Variants in ITGA9 observed in about 807,000 individuals in gnomAD.
ITGA9 encodes integrin alpha-9.
A neutral mutation model predicts 127.8 loss-of-function variants in ITGA9; 56 were observed. The ratio of observed to expected loss-of-function variants is 0.44; its 90% CI spans 0.35 to 0.55. ITGA9 has a LOEUF of 0.55. ITGA9 is among the 20% of genes least tolerant of loss of function. The pLI, the probability that ITGA9 is intolerant of heterozygous loss-of-function variation, is 0.00. For synonymous variants in ITGA9, 508 were observed against 514.5 expected, an observed-to-expected ratio of 0.99 and a Z score of 0.17; for missense variants, 1,196 against 1,347.1, an observed-to-expected ratio of 0.89 and a Z score of 1.76.
intron 19 of ITGA9, among the ~76,000 whole-genome samples, chr3:37,735,509 A>G (rs1027209155): frequency 1.3e-5 from 2 of 152,234 alleles, no homozygotes; most frequent in Admixed American, 1.3e-4. Flanking sequence ...ATTCACCATA[A>G]TGGAACCCAA....
chr3:37,452,303 C>T lies in ITGA9; in HGVS notation c.-72C>T. The T allele has an allele frequency of 1.1e-6, 1 of 879,368 alleles. No homozygotes were observed. The highest frequency in any genetic ancestry group is 1.4e-6 in the Non-Finnish European group (1 of 730,282). 54.5% of individuals were successfully genotyped at this position (879,368 alleles called of 1,614,324 possible). ...CCGCCCCGGGGAGCTTCCTGGCCGTCGGCGGGCCCCGCGGCCCGCGCGCTC... is the reference window on the plus strand; with the variant it reads ...CCGCCCCGGGGAGCTTCCTGGCCGTTGGCGGGCCCCGCGGCCCGCGCGCTC... On this transcript the variant is annotated 5_prime_UTR_variant, in exon 1 of 28. Coordinates refer to ENST00000264741, the MANE Select transcript of ITGA9 (RefSeq NM_002207.3). The surrounding 1 kb of genome is among the most constrained non-coding windows in gnomAD (Gnocchi z 7.3).
intron 18 of ITGA9, among the ~76,000 whole-genome samples, chr3:37,722,963 A>C (rs749615986): frequency 6.6e-6 from 1 of 152,220 alleles, no homozygotes; most frequent in African/African-American, 2.4e-5. Context: ...GTTTGTCCAC[A>C]TCTAGTCCAG....
At chr3:37,580,081 T>C (rs1347413305) in intron 15 of ITGA9, among the ~76,000 whole-genome samples, 7 of 152,234 alleles carry the variant, frequency 4.6e-5, no homozygotes. Flanking sequence ...AAGTACTACC[T>C]GATTCCAGAT....
intron 17 of ITGA9, among the ~76,000 whole-genome samples, chr3:37,672,383 G>A (rs541060559): frequency 6.6e-6 from 1 of 152,228 alleles, no homozygotes; most frequent in South Asian, 2.1e-4. Flanking sequence ...GAGTTCCCCT[G>A]CACACACTCT....
chr3:37,762,556 G>C (rs984324348), intron 23 of ITGA9, among the ~76,000 whole-genome samples: 1 of 152,272 alleles, frequency 6.6e-6, no homozygotes, highest in East Asian at 1.9e-4. Flanking sequence ...AAAGGTGTCA[G>C]ACTCAATCTG....
intron 17 of ITGA9, among the ~76,000 whole-genome samples, chr3:37,672,342 G>A (rs1233220875): frequency 1.3e-5 from 2 of 152,136 alleles, no homozygotes; most frequent in Non-Finnish European, 2.9e-5. Context: ...TAGTGAATAA[G>A]TCTCACGAGA....
rs1288460398 is a variant in ITGA9, at chr3:37,614,318, A to T, written c.1690-14869A>T. ...CTGAGGGCTCTGTTCTGTTCCATTG[A>T]TCTATATCTCTGTTTTGGTACCAGT... On this transcript the variant is annotated intron_variant, in intron 15 of 27. Transcript: ENST00000264741. 3.4e-3 allele frequency among the ~76,000 whole-genome samples: 522 copies of T among 151,618 alleles called. 7 individuals carry two copies. Among genetic ancestry groups the T allele is most frequent in the African/African-American group, 0.012 (482 of 41,350 alleles).
At chr3:37,656,146 T>C (rs796291240) in intron 17 of ITGA9, among the ~76,000 whole-genome samples, 12 of 152,352 alleles carry the variant, frequency 7.9e-5, no homozygotes, top group African/African-American at 2.6e-4. Context: ...AGCTTTGTTC[T>C]TTTGGCTTAG....
chr3:37,731,878 A>G (rs1259428811), intron 18 of ITGA9, among the ~76,000 whole-genome samples: 1 of 152,234 alleles, frequency 6.6e-6, no homozygotes, highest in East Asian at 1.9e-4. Flanking sequence ...CAAAATAAAA[A>G]TGTTTTTCAT....
At position 37,601,211 on chromosome 3, in the gene ITGA9, G is replaced by A. The variant is rs570577416; in HGVS notation, c.1690-27976G>A. Among the ~76,000 whole-genome samples the A allele has an allele frequency of 5.3e-5, 8 of 152,248 alleles. No individual in the cohort carries two copies. In the East Asian group the frequency reaches 1.2e-3, roughly 22 times the overall value. On this transcript the variant is annotated intron_variant, in intron 15 of 27. Coordinates refer to ENST00000264741, the MANE Select transcript of ITGA9 (RefSeq NM_002207.3). ...ACAGTGGTTCCTTTCTTTCTGCCAC[G>A]CCTCCACCTTCCATTGGAGACTCCT...
In ITGA9 at chr3:37,494,575, G is replaced by T; in HGVS notation, c.612+7G>T. The stretch of plus-strand genomic sequence containing the variant: ...AGCGGGCTTCTTCACCGAGGTGGGT[G>T]TCTGCTGTCTGGGCATTTCTGTTCT... On this transcript the variant is annotated splice_region_variant and intron_variant, in intron 5 of 27. Transcript: ENST00000264741. The T allele has an allele frequency of 1.9e-6, 3 of 1,611,218 alleles. No homozygotes were observed. The highest frequency in any genetic ancestry group is 2.5e-6 in the Non-Finnish European group (3 of 1,177,452).
chr3:37,659,069 T>C (rs1358345588), intron 17 of ITGA9, among the ~76,000 whole-genome samples: 2 of 152,228 alleles, frequency 1.3e-5, no homozygotes, highest in African/African-American at 4.8e-5. Context: ...TGGGCTTCCC[T>C]TTGTGGGTAA....
chr3:37,809,602 G>C (rs1372027549), intron 27 of ITGA9, among the ~76,000 whole-genome samples: 1 of 152,062 alleles, frequency 6.6e-6, no homozygotes, highest in Non-Finnish European at 1.5e-5. Context: ...GGGGCTTGGT[G>C]GAGGGGATTT....
intron 18 of ITGA9, among the ~76,000 whole-genome samples, chr3:37,715,615 G>C (rs1007304929): frequency 2.0e-5 from 3 of 152,196 alleles, no homozygotes; most frequent in African/African-American, 7.2e-5. Flanking sequence ...CACTTAAGTG[G>C]ATTAAAATCA....
At chr3:37,620,789 G>A (rs1352732688) in intron 15 of ITGA9, among the ~76,000 whole-genome samples, 1 of 152,178 alleles carries the variant, frequency 6.6e-6, no homozygotes, top group Non-Finnish European at 1.5e-5. Flanking sequence ...CTTGACACTT[G>A]CACTTCTACC....
intron 18 of ITGA9, among the ~76,000 whole-genome samples, chr3:37,689,319 T>C (rs944554099): frequency 6.6e-6 from 1 of 152,262 alleles, no homozygotes; most frequent in Non-Finnish European, 1.5e-5. Flanking sequence ...GGGGTACACA[T>C]GGATGACCAT....
chr3:37,489,645 A>T (rs902001465), intron 4 of ITGA9, among the ~76,000 whole-genome samples: 3 of 150,092 alleles, frequency 2.0e-5, no homozygotes, highest in Non-Finnish European at 4.4e-5. Context: ...GTCCCTTGTA[A>T]ACTGAGGGTA....
chr3:37,733,061 C>T, intron 19 of ITGA9: 1 of 482,738 alleles, frequency 2.1e-6, no homozygotes, highest in Non-Finnish European at 3.8e-6. Context: ...ACCACAGCCT[C>T]TGCACTTTAG....
Position 37,752,318 on chromosome 3 carries a change from T to C in ITGA9, c.2541+1749T>C, listed in dbSNP as rs147250305. On this transcript the variant is annotated intron_variant, in intron 23 of 27. Coordinates refer to ENST00000264741, the MANE Select transcript of ITGA9 (RefSeq NM_002207.3). ...TTGGTGCAAGTGAAATTCAGTCCTA[T>C]TAGGAGAAACCAGCACTCATTCTCT... Among the ~76,000 whole-genome samples, 854 of 152,282 alleles carry C rather than the reference T, an allele frequency of 5.6e-3. 11 individuals carry two copies. Among genetic ancestry groups the C allele is most frequent in the African/African-American group, 0.019 (804 of 41,564 alleles).
Sources: gnomAD v4.1 joint callset for allele counts (sites outside exome capture counted in the v4.1 genomes callset) on GRCh38, gnomAD v4.1.1 for gene constraint, Gnocchi (gnomAD v3.1) non-coding constraint, MANE v1.5 for transcripts, NCBI Gene and HGNC (gene_info 2026-07-23, HGNC 2026-07-21) for gene names.